PSD3: variants seen among roughly 807,000 people sequenced by gnomAD.
PSD3 encodes pleckstrin and Sec7 domain containing 3.
PSD3 carries 49 observed loss-of-function variants against 105.5 expected under a neutral mutation model. The observed-to-expected ratio is 0.46, with a 90% CI of 0.37 to 0.59. The LOEUF is 0.59. Ranked by LOEUF, PSD3 falls within the 20% of genes least tolerant of loss-of-function variation. The pLI is 0.00. For missense variants in PSD3, 1,561 were observed against 1,263.8 expected, an observed-to-expected ratio of 1.24 and a Z score of -3.57; for synonymous variants, 557 against 457.8, an observed-to-expected ratio of 1.22 and a Z score of -2.77.
chr8:18,672,462 G>A (rs1799837757), intron 9 of PSD3, among the ~76,000 whole-genome samples: 1 of 152,128 alleles, frequency 6.6e-6, no homozygotes, highest in African/African-American at 2.4e-5. Flanking sequence ...AATGGAAATA[G>A]GTTTTATTCA....
At chr8:18,855,159 G>T (rs1272908598) in intron 4 of PSD3, among the ~76,000 whole-genome samples, 1 of 152,148 alleles carries the variant, frequency 6.6e-6, no homozygotes, top group Non-Finnish European at 1.5e-5. Context: ...GGGATTATGA[G>T]GACCTGGAGA....
intron 11 of PSD3, among the ~76,000 whole-genome samples, chr8:18,629,695 T>C (rs758201120): frequency 7.2e-5 from 11 of 151,938 alleles, no homozygotes; most frequent in African/African-American, 2.4e-4. Context: ...ATAACCGTCA[T>C]AGGATGGGAG....
intron 11 of PSD3, among the ~76,000 whole-genome samples, chr8:18,620,357 T>TTTTTC (rs1806024375): frequency 6.6e-6 from 1 of 150,598 alleles, no homozygotes; most frequent in Admixed American, 6.6e-5. Context: ...TTTTTTTTTT[T>TTTTTC]TTTCCCCAGG....
In PSD3 at chr8:18,772,801, C is replaced by A. The variant is rs192327909; in HGVS notation, c.2083-7263G>T. Among the ~76,000 whole-genome samples, 451 of 152,254 alleles carry A rather than the reference C, an allele frequency of 3.0e-3. 3 individuals carry two copies. The highest frequency in any genetic ancestry group is 4.8e-3 in the Admixed American group (73 of 15,290). ...CTGGGATTACAGGCATGAGCCACTG[C>A]GCCCGGCCCTTGTGAACATTTCTAG... is the stretch of plus-strand genomic sequence containing the variant. On this transcript the variant is annotated intron_variant, in intron 8 of 15. Transcript: ENST00000327040.
intron 4 of PSD3, among the ~76,000 whole-genome samples, chr8:18,821,505 T>C (rs1383104172): frequency 1.3e-5 from 2 of 152,136 alleles, no homozygotes; most frequent in Non-Finnish European, 2.9e-5. Flanking sequence ...GACCAGTATT[T>C]ATAATCAAGG....
At chr8:19,052,116 G>T (rs929963080) in intron 1 of PSD3, among the ~76,000 whole-genome samples, 8 of 152,168 alleles carry the variant, frequency 5.3e-5, no homozygotes, top group African/African-American at 1.4e-4. Context: ...GTGGAGGCTG[G>T]AAGAGAGCAA....
At chr8:18,619,558 G>C (rs534143390) in intron 11 of PSD3, among the ~76,000 whole-genome samples, 19 of 151,886 alleles carry the variant, frequency 1.3e-4, no homozygotes, top group African/African-American at 3.6e-4. Flanking sequence ...CAGGAGAACG[G>C]TTTGAACCCG....
intron 9 of PSD3, among the ~76,000 whole-genome samples, chr8:18,743,071 TAGC>T (rs1804706606): frequency 6.6e-6 from 1 of 152,196 alleles, no homozygotes. Context: ...TAAATATTGA[TAGC>T]AGGCTTCTCT....
intron 12 of PSD3, among the ~76,000 whole-genome samples, chr8:18,595,536 G>C (rs918653320): frequency 6.6e-6 from 1 of 150,590 alleles, no homozygotes; most frequent in African/African-American, 2.4e-5. Flanking sequence ...GTCTACAAGA[G>C]ACTCACTTTA....
At chr8:18,840,790 C>T (rs1324541000) in intron 4 of PSD3, among the ~76,000 whole-genome samples, 1 of 152,096 alleles carries the variant, frequency 6.6e-6, no homozygotes, top group Non-Finnish European at 1.5e-5. Context: ...TCACAGACAG[C>T]AGTCAGATTG....
chr8:18,589,085 G>A (rs1803409237), intron 12 of PSD3, among the ~76,000 whole-genome samples: 1 of 152,166 alleles, frequency 6.6e-6, no homozygotes, highest in Non-Finnish European at 1.5e-5. Context: ...ATTTCAAAGG[G>A]TTCTTCCTTG....
intron 8 of PSD3, among the ~76,000 whole-genome samples, chr8:18,780,839 C>G (rs1367565414): frequency 2.0e-5 from 3 of 152,196 alleles, no homozygotes; most frequent in South Asian, 4.1e-4. Flanking sequence ...CAGGCGTGAG[C>G]CACCGCGCCT....
chr8:18,947,146 C>G (rs1465366257), intron 1 of PSD3, among the ~76,000 whole-genome samples: 1 of 151,952 alleles, frequency 6.6e-6, no homozygotes, highest in Admixed American at 6.6e-5. Context: ...AAAACTGGGA[C>G]AGAATGCCTC....
chr8:19,007,320 C>T (rs79149812), intron 1 of PSD3, among the ~76,000 whole-genome samples: 3,400 of 152,070 alleles, frequency 0.022, 142 homozygotes, highest in African/African-American at 0.078. Context: ...ATTAAAAAAG[C>T]ACTTTTGCTG....
At chr8:18,588,808 G>A (rs1038027582) in intron 12 of PSD3, among the ~76,000 whole-genome samples, 21 of 152,168 alleles carry the variant, frequency 1.4e-4, no homozygotes, top group African/African-American at 4.8e-4. Flanking sequence ...TTATCTGAGG[G>A]AGAGGACAGT....
At chr8:18,965,740 C>T (rs1050546403) in intron 1 of PSD3, among the ~76,000 whole-genome samples, 1 of 152,214 alleles carries the variant, frequency 6.6e-6, no homozygotes, top group African/African-American at 2.4e-5. Flanking sequence ...GTGAAGCCAA[C>T]AGGCCCACTC....
At chr8:18,662,876 A>T (rs1191717234) in intron 9 of PSD3, among the ~76,000 whole-genome samples, 2 of 152,178 alleles carry the variant, frequency 1.3e-5, no homozygotes, top group Non-Finnish European at 2.9e-5. Flanking sequence ...GCACATTTTA[A>T]AATTGCAAAT....
chr8:18,571,946 A>T (rs564131310), intron 14 of PSD3, among the ~76,000 whole-genome samples: 1 of 152,300 alleles, frequency 6.6e-6, no homozygotes, highest in South Asian at 2.1e-4. Context: ...ACATGATAAA[A>T]TATGGCTTTT....
chr8:19,082,743 A>G (rs141206939), intron 1 of PSD3, among the ~76,000 whole-genome samples: 1 of 152,374 alleles, frequency 6.6e-6, no homozygotes, highest in Non-Finnish European at 1.5e-5. Flanking sequence ...CCAGCACTGA[A>G]GTACACAAAC....
Sources: allele counts gnomAD v4.1 joint callset (sites outside exome capture counted in the v4.1 genomes callset), GRCh38; gene constraint gnomAD v4.1.1; transcripts MANE v1.5; gene names NCBI Gene and HGNC (gene_info 2026-07-23, HGNC 2026-07-21).